Variants in S100Z observed in about 807,000 individuals in gnomAD.
S100Z encodes S100 calcium binding protein Z.
Under a neutral mutation model 8.5 loss-of-function variants are expected in S100Z, and 11 were observed. The observed-to-expected ratio is 1.30, with a 90% CI of 0.82 to 2.15. The LOEUF (loss-of-function observed/expected upper bound fraction) is 2.15. Ranked by LOEUF, S100Z falls within the 30% of genes most tolerant of loss-of-function variation. The probability of loss-of-function intolerance (pLI) is 0.00; values close to 1 mark genes in which losing one functional copy is unlikely to be tolerated. For missense variants in S100Z, 126 were observed against 117.9 expected (o/e 1.07, Z -0.32); for synonymous variants, 34 against 43.8 (o/e 0.78, Z 0.89).
the S100Z span, among the ~76,000 whole-genome samples, chr5:76,944,294 G>T: frequency 6.6e-6 from 1 of 152,182 alleles, no homozygotes; most frequent in South Asian, 2.1e-4. Flanking sequence ...GGAAATAAAA[G>T]CTCCTTTATT....
At chr5:76,911,076 G>C (rs1462938840) in intron 4 of S100Z, among the ~76,000 whole-genome samples, 1 of 152,142 alleles carries the variant, frequency 6.6e-6, no homozygotes, top group Non-Finnish European at 1.5e-5. Context: ...CCTGAAGTCT[G>C]GGCATTGGAA....
At chr5:76,882,646 AG>A (rs1743448335) in intron 4 of S100Z, among the ~76,000 whole-genome samples, 1 of 152,226 alleles carries the variant, frequency 6.6e-6, no homozygotes, top group Admixed American at 6.5e-5. Context: ...CGTGATCAGC[AG>A]GGAGAGCATG....
rs1745027780 is a variant in S100Z at position 76,921,283 on chromosome 5, T to C, written c.*569T>C. The C allele has an allele frequency of 6.6e-6, 1 of 152,248 alleles. No homozygotes were observed. Among genetic ancestry groups the C allele is most frequent in the South Asian group, 2.1e-4 (1 of 4,836 alleles). 9.4% of individuals were successfully genotyped at this position (152,248 alleles called of 1,614,324 possible). The stretch of plus-strand genomic sequence containing the variant: ...ATATATCACAATATATTTACTCCAA[T>C]TCCCTATTGCATATAGATTATTTCT... On this transcript the variant is annotated 3_prime_UTR_variant, in exon 5 of 5. Transcript: ENST00000317593.
chr5:76,876,731 C>T (rs2150642427), intron 3 of S100Z, among the ~76,000 whole-genome samples: 1 of 152,272 alleles, frequency 6.6e-6, no homozygotes, highest in South Asian at 2.1e-4. Context: ...AAACTTCGCA[C>T]ATTTATTTAA....
intron 1 of S100Z, among the ~76,000 whole-genome samples, chr5:76,863,631 C>CG (rs1751137867): frequency 2.6e-5 from 4 of 152,090 alleles, no homozygotes; most frequent in African/African-American, 9.7e-5. Context: ...CTCCGCCTCC[C>CG]GGGTTCACGC....
At chr5:76,866,804 C>T (rs1035467367) in intron 1 of S100Z, among the ~76,000 whole-genome samples, 5 of 152,158 alleles carry the variant, frequency 3.3e-5, no homozygotes, top group Non-Finnish European at 7.3e-5. Context: ...CACCTAATGA[C>T]GCATTTCTCA....
At chr5:76,926,993 C>G in the S100Z span, among the ~76,000 whole-genome samples, 1 of 152,260 alleles carries the variant, frequency 6.6e-6, no homozygotes, top group South Asian at 2.1e-4. Flanking sequence ...CTTTAACATT[C>G]AATGGTTAGG....
chr5:76,949,733 A>C, the S100Z span, among the ~76,000 whole-genome samples: 2 of 152,268 alleles, frequency 1.3e-5, no homozygotes, highest in Non-Finnish European at 2.9e-5. Flanking sequence ...GTACGATTAC[A>C]CTTACATGAG....
rs369559425 is a variant in S100Z at position 76,881,537 on chromosome 5, T to A, written c.*2+3703T>A. Among the ~76,000 whole-genome samples the A allele has an allele frequency of 2.1e-4, 32 of 152,320 alleles. No homozygotes were observed. In the East Asian group the frequency reaches 3.5e-3, roughly 16 times the overall value. ...AGCAGATGGAACACTGAGAAGTGAT[T>A]TCCTTAAGGACAGATTTCCATGATG... On this transcript the variant is annotated intron_variant, in intron 4 of 4. Transcript: ENST00000317593.
intron 4 of S100Z, among the ~76,000 whole-genome samples, chr5:76,895,873 C>G (rs1188839179): frequency 1.3e-5 from 2 of 148,236 alleles, no homozygotes; most frequent in African/African-American, 4.9e-5. Context: ...AGTGACTCTC[C>G]TGCCTCAGCC....
chr5:76,901,522 T>A (rs2150670713), intron 4 of S100Z, among the ~76,000 whole-genome samples: 1 of 152,334 alleles, frequency 6.6e-6, no homozygotes, highest in Admixed American at 6.5e-5. Context: ...AGGTCACAAG[T>A]ACGGCCAGAC....
At chr5:76,850,198 G>A (rs962212369) in intron 1 of S100Z, 43 bp downstream of exon 1, 2 of 152,194 alleles carry the variant, frequency 1.3e-5, no homozygotes, top group Non-Finnish European at 2.9e-5. Context: ...TTTCAGTCTA[G>A]TGGTTGAAGT....
chr5:76,930,641 C>T, the S100Z span, among the ~76,000 whole-genome samples: 1 of 152,104 alleles, frequency 6.6e-6, no homozygotes, highest in African/African-American at 2.4e-5. Context: ...TCTGAAAATT[C>T]CCTGTTAGCT....
intron 3 of S100Z, among the ~76,000 whole-genome samples, chr5:76,876,351 T>G (rs1424688199): frequency 4.6e-5 from 7 of 151,774 alleles, no homozygotes; most frequent in Non-Finnish European, 1.0e-4. Flanking sequence ...TCTTTTCCTC[T>G]CATTCCGTTT....
At chr5:76,850,295 T>C in intron 1 of S100Z, 140 bp downstream of exon 1, 1 of 115,522 alleles carries the variant, frequency 8.7e-6, no homozygotes, top group Non-Finnish European at 1.7e-5. Flanking sequence ...CACTCTAAAA[T>C]GTGGCCTTAC....
At chr5:76,856,302 C>G (rs191199435) in intron 1 of S100Z, among the ~76,000 whole-genome samples, 4 of 152,166 alleles carry the variant, frequency 2.6e-5, no homozygotes, top group Non-Finnish European at 5.9e-5. Flanking sequence ...CAAATTCAAG[C>G]GATTCTCCTG....
downstream of S100Z, among the ~76,000 whole-genome samples, chr5:76,922,803 A>G (rs914764890): frequency 6.6e-6 from 1 of 152,142 alleles, no homozygotes; most frequent in Non-Finnish European, 1.5e-5. Context: ...GATTACTGGC[A>G]TGAGCCACCA....
At chr5:76,903,579 GTAGTA>G (rs1006995689) in intron 4 of S100Z, among the ~76,000 whole-genome samples, 1 of 152,024 alleles carries the variant, frequency 6.6e-6, no homozygotes, top group African/African-American at 2.4e-5. Flanking sequence ...GGATTGCTGG[GTAGTA>G]TGGTATCATT....
At chr5:76,941,444 C>T in the S100Z span, among the ~76,000 whole-genome samples, 1 of 152,214 alleles carries the variant, frequency 6.6e-6, no homozygotes, top group Non-Finnish European at 1.5e-5. Context: ...GCTCTCTTGC[C>T]TGCCGCCATG....
Sources: allele counts gnomAD v4.1 joint callset (sites outside exome capture counted in the v4.1 genomes callset), GRCh38; gene constraint gnomAD v4.1.1; transcripts MANE v1.5; gene names NCBI Gene and HGNC (gene_info 2026-07-23, HGNC 2026-07-21).